ADAMTS15: variants seen among roughly 807,000 people sequenced by gnomAD.
ADAMTS15 encodes the protein ADAM metallopeptidase with thrombospondin type 1 motif 15, also known as A disintegrin and metalloproteinase with thrombospondin motifs 15.
In ADAMTS15, 35 loss-of-function variants were observed where a neutral mutation model predicts 79.1. That is an observed-to-expected ratio of 0.44 (90% CI 0.34 to 0.59). The LOEUF (loss-of-function observed/expected upper bound fraction) is 0.59, where lower values mean the gene tolerates loss of function less well. ADAMTS15 is among the 20% of genes least tolerant of loss of function. The probability of loss-of-function intolerance (pLI) is 0.02; values close to 1 mark genes in which losing one functional copy is unlikely to be tolerated. For missense variants in ADAMTS15, 1,324 were observed against 1,318.7 expected (o/e 1.00, Z -0.06); for synonymous variants, 616 against 567.3 (o/e 1.09, Z -1.22).
chr11:130,448,823 A>T lies in ADAMTS15; in HGVS notation c.-151A>T. On this transcript the variant is annotated 5_prime_UTR_variant, in exon 1 of 8. Coordinates refer to ENST00000299164, the MANE Select transcript of ADAMTS15 (RefSeq NM_139055.4). ...GGTGCACGCTCGCCGCCCTGGGAGG[A>T]GTCTCCCTCCCTTGGCTCTCCTTTC... 1 of 527,460 alleles carries T rather than the reference A, an allele frequency of 1.9e-6. No individual in the cohort carries two copies. Among genetic ancestry groups the T allele is most frequent in the Non-Finnish European group, 2.9e-6 (1 of 339,466 alleles). The allele number at this position is 527,460 out of a possible 1,614,324, so 32.7% of individuals were successfully genotyped here. A position where few individuals can be genotyped will look rare whatever the true frequency, so the allele number is the denominator to read the frequency against.
rs1565397698 is a variant in ADAMTS15 at position 130,470,164 on chromosome 11, A to ATATATGTATATATG, written c.1720+730_1720+731insGTATATATGTATAT. Among the ~76,000 whole-genome samples the ATATATGTATATATG allele has an allele frequency of 1.2e-4, 7 of 58,246 alleles. 1 individual carries two copies. Among genetic ancestry groups the ATATATGTATATATG allele is most frequent in the South Asian group, 4.5e-4 (1 of 2,242 alleles). 38.2% of individuals were successfully genotyped at this position (58,246 alleles called of 152,430 possible). A position where few individuals can be genotyped will look rare whatever the true frequency, so the allele number is the denominator to read the frequency against. On this transcript the variant is annotated intron_variant, in intron 5 of 7. Coordinates refer to ENST00000299164, the MANE Select transcript of ADAMTS15 (RefSeq NM_139055.4). ...TATATATATATATGTGTATATATAT[A>ATATATGTATATATG]TATATATATATATATATGTGTGTAT...
Position 130,473,081 on chromosome 11 carries a change from G to A in ADAMTS15, c.2113G>A (p.Gly705Ser), listed in dbSNP as rs1938491448. 3 of 1,613,834 alleles carry A rather than the reference G, an allele frequency of 1.9e-6. No homozygotes were observed. Among genetic ancestry groups the A allele is most frequent in the Non-Finnish European group, 2.5e-6 (3 of 1,180,014 alleles). ...CAATTTCGTGGTGGCCATCCCCGCA[G>A]GCGCCTCAAGCATCGACATCCGCCA... ...GYNFVVAIPA[G>S]ASSIDIRQRG... Residue 705 changes from glycine (G) to serine (S), a missense_variant, in exon 8 of 8, where the codon GGC becomes AGC. Physicochemically the swap from Gly to Ser is moderately conservative, Grantham distance 56. Transcript: ENST00000299164.
intron 1 of ADAMTS15, chr11:130,450,413 C>G: frequency 2.0e-6 from 2 of 985,428 alleles, no homozygotes; most frequent in Non-Finnish European, 2.4e-6. Context: ...CTACATTTCT[C>G]TCGGGTAACA....
rs2134741331 is a variant in ADAMTS15, at chr11:130,472,157, G to C, written c.2078+774G>C. Among the ~76,000 whole-genome samples, 1 of 152,374 alleles carries C rather than the reference G, an allele frequency of 6.6e-6. No individual in the cohort carries two copies. Among genetic ancestry groups the C allele is most frequent in the South Asian group, 2.1e-4 (1 of 4,830 alleles). On this transcript the variant is annotated intron_variant, in intron 7 of 7. Transcript: ENST00000299164. The surrounding 1 kb of genome is among the most constrained non-coding windows in gnomAD (Gnocchi z 4.7). Reference sequence around the variant, plus strand: ...GGCAGGGCACCTGAGGTCCCAGTTAGGGGTGGAGGCTATGGTTGGCCTAGA... The same window carrying C: ...GGCAGGGCACCTGAGGTCCCAGTTACGGGTGGAGGCTATGGTTGGCCTAGA...
intron 1 of ADAMTS15, among the ~76,000 whole-genome samples, chr11:130,455,929 G>GCTACAGGGC (rs898098704): frequency 1.2e-4 from 18 of 152,186 alleles, no homozygotes; most frequent in African/African-American, 4.3e-4. Flanking sequence ...ACTTGCTTGA[G>GCTACAGGGC]CTACAGGGCG....
intron 1 of ADAMTS15, chr11:130,450,214 G>A (rs1565390203): frequency 3.0e-6 from 3 of 985,346 alleles, no homozygotes; most frequent in Non-Finnish European, 3.6e-6. Flanking sequence ...CGAGGGGCCG[G>A]AACCCAGGAA....
chr11:130,465,196 G>A (rs757966269), intron 4 of ADAMTS15, among the ~76,000 whole-genome samples: 6 of 151,768 alleles, frequency 4.0e-5, no homozygotes, highest in Non-Finnish European at 7.4e-5. Context: ...CTCATTTCCC[G>A]ACGGGGGAAA....
chr11:130,469,891 T>A (rs1430934719), intron 5 of ADAMTS15, among the ~76,000 whole-genome samples: 2 of 151,942 alleles, frequency 1.3e-5, no homozygotes, highest in African/African-American at 4.8e-5. Context: ...TTAGTATTTC[T>A]TTCAGGGAGA....
rs1938374539 is a variant in ADAMTS15 at position 130,469,359 on chromosome 11, C to A, written c.1640C>A (p.Thr547Asn). ...QLARRQCTNPTPANGGKYCEG... is the reference protein window; with the variant it reads ...QLARRQCTNPNPANGGKYCEG... ...GCCAGGAGGCAGTGCACCAACCCCA[C>A]CCCTGCCAACGGGGGCAAGTACTGC... The change falls in exon 5 of 8, where the codon ACC becomes AAC. Residue 547 changes from threonine to asparagine, a missense_variant. Transcript: ENST00000299164. The A allele has an allele frequency of 2.2e-6, 3 of 1,358,098 alleles. No homozygotes were observed. Among genetic ancestry groups the A allele is most frequent in the Non-Finnish European group, 2.9e-6 (3 of 1,046,626 alleles). 84.1% of individuals were successfully genotyped at this position (1,358,098 alleles called of 1,614,324 possible).
intron 1 of ADAMTS15, among the ~76,000 whole-genome samples, chr11:130,453,279 A>AT (rs11381792): frequency 0.54 from 71,706 of 132,706 alleles, 19,381 homozygotes; most frequent in African/African-American, 0.69. Context: ...CTTTGGACTG[A>AT]TTTTTTTTTT....
chr11:130,471,863 CT>C (rs1277705485), intron 7 of ADAMTS15, among the ~76,000 whole-genome samples: 1 of 152,248 alleles, frequency 6.6e-6, no homozygotes, highest in African/African-American at 2.4e-5. Context: ...AGCATCGTAG[CT>C]TCACCTTGAT....
Position 130,473,278 on chromosome 11 carries a change from G to C in ADAMTS15, c.2310G>C (p.Gln770His). ...CGGGCACAGCGGTGGAGAGCCTGCA[G>C]GCTTCCCGGCCCATCCTGGAGCCGC... ...SGTGTAVESL[Q>H]ASRPILEPLT... The change falls in exon 8 of 8, where the codon CAG becomes CAC. Residue 770 changes from glutamine (Q) to histidine (H), a missense_variant. Transcript: ENST00000299164. 1 of 1,613,284 alleles carries C rather than the reference G, an allele frequency of 6.2e-7. No homozygotes were observed. The highest frequency in any genetic ancestry group is 8.5e-7 in the Non-Finnish European group (1 of 1,180,008).
In ADAMTS15 at chr11:130,473,819, T is replaced by G; in HGVS notation, c.2851T>G (p.Ter951GlyextTer14). The change falls in exon 8 of 8, where the codon TGA (stop) becomes GGA (glycine). Residue 951 changes from the stop codon to glycine, a stop_lost. Coordinates refer to ENST00000299164, the MANE Select transcript of ADAMTS15 (RefSeq NM_139055.4). ...ELDFCVLRPC[*>G] is the part of the protein sequence containing the mutation. ...GGACTTCTGCGTCCTGAGGCCGTGC[T>G]GAGTGGGGTCATCGCTTTCTCCCCC... 1 of 1,590,660 alleles carries G rather than the reference T, an allele frequency of 6.3e-7. No individual in the cohort carries two copies. The highest frequency in any genetic ancestry group is 1.1e-5 in the South Asian group (1 of 90,382).
Position 130,449,946 on chromosome 11 carries a change from G to C in ADAMTS15, c.957+16G>C. On this transcript the variant is annotated intron_variant, in intron 1 of 7. Coordinates refer to ENST00000299164, the MANE Select transcript of ADAMTS15 (RefSeq NM_139055.4). This position sits in a 1 kb window ranked among gnomAD's most constrained non-coding sequence, Gnocchi z 7.8. ...CACCAGGCAGGTGAGTTGATCTGCC[G>C]TCACTTTGCACCCAGATAGTCCCGT... The C allele has an allele frequency of 6.3e-7, 1 of 1,594,866 alleles. No homozygotes were observed. The highest frequency in any genetic ancestry group is 8.5e-7 in the Non-Finnish European group (1 of 1,176,362).
At position 130,448,651 on chromosome 11, in the gene ADAMTS15, C is replaced by T. The variant is rs1368603606; in HGVS notation, c.-323C>T. On this transcript the variant is annotated 5_prime_UTR_variant, in exon 1 of 8. Coordinates refer to ENST00000299164, the MANE Select transcript of ADAMTS15 (RefSeq NM_139055.4). Reference sequence around the variant, plus strand: ...GCCCAGCGCCTGGCTTGCTGCGCTGCGAGTGGCTGCGGTTGCGAGAAGCCG... The same window carrying T: ...GCCCAGCGCCTGGCTTGCTGCGCTGTGAGTGGCTGCGGTTGCGAGAAGCCG... Among the ~76,000 whole-genome samples the T allele has an allele frequency of 6.6e-6, 1 of 152,200 alleles. No homozygotes were observed.
At chr11:130,470,862 C>G in intron 5 of ADAMTS15, 58 bp from the exon 6 acceptor site, 3 of 1,557,796 alleles carry the variant, frequency 1.9e-6, no homozygotes, top group Middle Eastern at 2.2e-4. Context: ...GAGGCTTGTC[C>G]TTTGCACCGG....
chr11:130,466,408 G>A lies in ADAMTS15; in HGVS notation c.1543-2854G>A, dbSNP rs573569348. Reference sequence around the variant, plus strand: ...CACCTGATTAGCATCTTATACATGTGTCTGTGAGACTGAGCTCCTGGTCAT... The same window carrying A: ...CACCTGATTAGCATCTTATACATGTATCTGTGAGACTGAGCTCCTGGTCAT... On this transcript the variant is annotated intron_variant, in intron 4 of 7. Transcript: ENST00000299164. Among the ~76,000 whole-genome samples the A allele has an allele frequency of 5.9e-5, 9 of 152,286 alleles. No individual in the cohort carries two copies. The South Asian group carries it at 1.9e-3, about 32-fold the overall frequency.
chr11:130,466,319 G>A (rs182043830), intron 4 of ADAMTS15, among the ~76,000 whole-genome samples: 6 of 152,272 alleles, frequency 3.9e-5, no homozygotes, highest in Non-Finnish European at 2.9e-5. Context: ...TGCATCTTCA[G>A]TCCAGGCCTC....
In ADAMTS15 at chr11:130,452,853, C is replaced by T. The variant is rs193175078; in HGVS notation, c.957+2923C>T. Among the ~76,000 whole-genome samples the T allele has an allele frequency of 9.8e-3, 1,491 of 152,136 alleles. 25 individuals are homozygous for T. The highest frequency in any genetic ancestry group is 0.033 in the African/African-American group (1,372 of 41,496). On this transcript the variant is annotated intron_variant, in intron 1 of 7. Transcript: ENST00000299164. ...AAAATTAGCTGGGCGTGGTGGCTCA[C>T]GCCTGTAGTACCAGCTACTCAGGAG...
Sources: allele counts gnomAD v4.1 joint callset (sites outside exome capture counted in the v4.1 genomes callset), GRCh38; gene constraint gnomAD v4.1.1; non-coding constraint Gnocchi (gnomAD v3.1); transcripts MANE v1.5; gene names NCBI Gene and HGNC (gene_info 2026-07-23, HGNC 2026-07-21).